Variants in DYNLT2 observed in about 807,000 individuals in gnomAD.
DYNLT2 encodes the protein dynein light chain Tctex-type 2, also known as dynein light chain Tctex-type protein 2.
Under a neutral mutation model 24.3 loss-of-function variants are expected in DYNLT2, and 24 were observed. The observed-to-expected ratio is 0.99, with a 90% CI of 0.71 to 1.39. The LOEUF (loss-of-function observed/expected upper bound fraction) is 1.39, where lower values mean the gene tolerates loss of function less well. DYNLT2 is among the 40% of genes most tolerant of loss of function. DYNLT2 has a pLI of 0.00. For synonymous variants in DYNLT2, 85 were observed against 85.4 expected (o/e 1.00, Z 0.03); for missense variants, 246 against 234.5 (o/e 1.05, Z -0.32).
At chr6:169,728,621 C>G in the DYNLT2 span, among the ~76,000 whole-genome samples, 17 of 151,628 alleles carry the variant, frequency 1.1e-4, no homozygotes, top group Non-Finnish European at 2.5e-4. Flanking sequence ...GTTGAAACAT[C>G]AAAAACTCTG....
the DYNLT2 span, chr6:169,725,370 A>C: frequency 5.0e-6 from 2 of 398,388 alleles, no homozygotes; most frequent in Non-Finnish European, 4.4e-6. Context: ...CTAGCGCGTC[A>C]CATTGACAAA....
chr6:169,744,383 A>G (rs1789748350), intron 1 of DYNLT2, 109 bp from the exon 2 acceptor site: 1 of 885,322 alleles, frequency 1.1e-6, no homozygotes, highest in Middle Eastern at 3.1e-4. Flanking sequence ...GGGCTCACAC[A>G]AAGCTTGGAA....
chr6:169,743,156 AC>A lies in DYNLT2; in HGVS notation c.409del (p.Val137SerfsTer13). 1.3e-6 allele frequency: 2 copies of A among 1,580,476 alleles called. No homozygotes were observed. Among genetic ancestry groups the A allele is most frequent in the South Asian group, 2.3e-5 (2 of 86,188 alleles). On this transcript the variant is annotated frameshift_variant, in exon 3 of 4. Transcript: ENST00000366774. LOFTEE classifies it high-confidence loss of function. ...ATAACGGTGGTACCCAAATTCTTTG[AC>A]TGCTAACAGTATGCGGTCTGCCAAT... ...LELADRILLA[V>X]KEFGYHRYKF...
the DYNLT2 span, among the ~76,000 whole-genome samples, chr6:169,726,427 G>A: frequency 2.0e-5 from 3 of 152,302 alleles, no homozygotes; most frequent in South Asian, 2.1e-4. Flanking sequence ...ATGTGCAATG[G>A]AAGTAGAAAT....
chr6:169,730,434 C>T, the DYNLT2 span, among the ~76,000 whole-genome samples: 16 of 152,192 alleles, frequency 1.1e-4, no homozygotes, highest in African/African-American at 3.9e-4. Context: ...CCTACGCTAA[C>T]TCCTGGCTGT....
At chr6:169,731,809 T>G in the DYNLT2 span, among the ~76,000 whole-genome samples, 26,823 of 152,020 alleles carry the variant, frequency 0.18, 2,894 homozygotes, top group East Asian at 0.3. Flanking sequence ...ATATATGGGG[T>G]TTTACAGAAG....
At chr6:169,736,764 C>A (rs1427041961), downstream of DYNLT2, among the ~76,000 whole-genome samples, 5 of 152,160 alleles carry the variant, frequency 3.3e-5, no homozygotes, top group Non-Finnish European at 2.9e-5. Context: ...TTCATTTTAA[C>A]TTCAGAGAAT....
chr6:169,737,404 CT>C (rs1246911032), downstream of DYNLT2, among the ~76,000 whole-genome samples: 1 of 152,136 alleles, frequency 6.6e-6, no homozygotes, highest in Non-Finnish European at 1.5e-5. Context: ...GCACTCTGGC[CT>C]TTTGGGTTTT....
chr6:169,743,269 T>G, intron 2 of DYNLT2, 31 bp from the exon 3 acceptor site: 18 of 1,325,312 alleles, frequency 1.4e-5, no homozygotes, highest in Non-Finnish European at 1.8e-5. Flanking sequence ...AATACTTTTA[T>G]TTTCAAACCA....
Position 169,740,298 on chromosome 6 carries a change from G to T in DYNLT2, c.487-3C>A. 6.2e-7 allele frequency: 1 copy of T among 1,605,466 alleles called. No homozygotes were observed. The highest frequency in any genetic ancestry group is 8.5e-7 in the Non-Finnish European group (1 of 1,172,892). On this transcript the variant is annotated splice_region_variant and splice_polypyrimidine_tract_variant and intron_variant, in intron 3 of 3. Transcript: ENST00000366774. ...TCCCAGATCCATCTGCTGGCAATCTGTGAGAGAAATTTTGTAAAGACCAAC... is the reference window on the plus strand; with the variant it reads ...TCCCAGATCCATCTGCTGGCAATCTTTGAGAGAAATTTTGTAAAGACCAAC...
chr6:169,725,661 CAAAA>C, the DYNLT2 span: 3 of 195,780 alleles, frequency 1.5e-5, no homozygotes, highest in African/African-American at 7.5e-5. Context: ...AAAACAAAAA[CAAAA>C]AAAAACTCTT....
At chr6:169,748,906 T>C (rs919164277) in intron 1 of DYNLT2, among the ~76,000 whole-genome samples, 1 of 152,252 alleles carries the variant, frequency 6.6e-6, no homozygotes. Context: ...ATTCCTTTTA[T>C]TAAGAATCTT....
the DYNLT2 span, among the ~76,000 whole-genome samples, chr6:169,730,691 G>T: frequency 1.6e-4 from 24 of 152,278 alleles, no homozygotes; most frequent in African/African-American, 5.8e-4. Context: ...GAAGTCAGGA[G>T]ATCGAGACCA....
rs1789644387 is a variant in DYNLT2, at chr6:169,740,174, C to T, written c.*11G>A. Reference sequence around the variant, plus strand: ...GTTCGGAAGTAAACAATCCTTAGTACCTGTAATGAGCTATTCATAATAAAG... The same window carrying T: ...GTTCGGAAGTAAACAATCCTTAGTATCTGTAATGAGCTATTCATAATAAAG... On this transcript the variant is annotated 3_prime_UTR_variant, in exon 4 of 4. Coordinates refer to ENST00000366774, the MANE Select transcript of DYNLT2 (RefSeq NM_174910.3). 4 of 1,549,966 alleles carry T rather than the reference C, an allele frequency of 2.6e-6. No individual in the cohort carries two copies. Among genetic ancestry groups the T allele is most frequent in the Non-Finnish European group, 2.7e-6 (3 of 1,123,876 alleles).
At chr6:169,733,649 C>A in the DYNLT2 span, among the ~76,000 whole-genome samples, 2 of 152,138 alleles carry the variant, frequency 1.3e-5, no homozygotes, top group African/African-American at 4.8e-5. Context: ...GTCTATATGT[C>A]TGTTTTGGTA....
the DYNLT2 span, among the ~76,000 whole-genome samples, chr6:169,726,618 G>A: frequency 6.6e-6 from 1 of 152,176 alleles, no homozygotes; most frequent in African/African-American, 2.4e-5. Context: ...TAAGACTTTG[G>A]TTTAAATCCC....
downstream of DYNLT2, among the ~76,000 whole-genome samples, chr6:169,736,801 T>C (rs1447098618): frequency 1.3e-5 from 2 of 152,180 alleles, no homozygotes. Flanking sequence ...TTGGGGTTGA[T>C]CTTCTCATGG....
At chr6:169,747,730 T>TTA (rs1468997355) in intron 1 of DYNLT2, among the ~76,000 whole-genome samples, 3 of 152,242 alleles carry the variant, frequency 2.0e-5, no homozygotes. Context: ...ACTACTTTAA[T>TTA]GTCTGTTTAT....
downstream of DYNLT2, among the ~76,000 whole-genome samples, chr6:169,736,173 A>T: frequency 1.3e-5 from 2 of 150,142 alleles, no homozygotes; most frequent in African/African-American, 2.5e-5. Context: ...TTGCTTGGTA[A>T]ATTTTCCTCC....
Sources: gnomAD v4.1 joint callset for allele counts (sites outside exome capture counted in the v4.1 genomes callset) on GRCh38, gnomAD v4.1.1 for gene constraint, MANE v1.5 for transcripts, NCBI Gene and HGNC (gene_info 2026-07-23, HGNC 2026-07-21) for gene names.